The following TBL1XR1 variants were observed in gnomAD, a reference collection of about 807,000 sequenced individuals.
The protein encoded by TBL1XR1 is F-box-like/WD repeat-containing protein TBL1XR1.
In TBL1XR1, 5 loss-of-function variants were observed where a neutral mutation model predicts 66.9. That is an observed-to-expected ratio of 0.07 (90% confidence interval 0.04 to 0.16). The LOEUF is 0.16. TBL1XR1 is among the 10% of genes least tolerant of loss of function. The probability of loss-of-function intolerance (pLI) is 1.00; values close to 1 mark genes in which losing one functional copy is unlikely to be tolerated. For synonymous variants in TBL1XR1, 210 were observed against 206.0 expected (o/e 1.02, Z -0.17); for missense variants, 238 against 623.2 (o/e 0.38, Z 6.58).
upstream of TBL1XR1, among the ~76,000 whole-genome samples, chr3:177,200,098 G>A (rs932780829): frequency 4.0e-5 from 6 of 151,814 alleles, no homozygotes; most frequent in African/African-American, 4.8e-5. Context: ...TCAGCCTCCC[G>A]AGTAGTTGGG....
chr3:177,084,087 C>CAAAA (rs36022409), intron 2 of TBL1XR1, among the ~76,000 whole-genome samples: 34 of 73,206 alleles, frequency 4.6e-4, no homozygotes, highest in East Asian at 1.4e-3. Flanking sequence ...GACTCCGTCT[C>CAAAA]AAAAAAAAAA....
chr3:177,139,103 G>A (rs368158563), intron 1 of TBL1XR1, among the ~76,000 whole-genome samples: 2 of 152,044 alleles, frequency 1.3e-5, no homozygotes, highest in African/African-American at 2.4e-5. Context: ...AGAAATCAGC[G>A]AACAGACAAA....
intron 2 of TBL1XR1, 106 bp downstream of exon 2, chr3:177,098,359 TG>T: frequency 4.2e-6 from 2 of 472,584 alleles, no homozygotes; most frequent in Non-Finnish European, 5.5e-6. Flanking sequence ...TTACTTAGCT[TG>T]GGAACACATG....
At chr3:177,146,785 T>G (rs995290886) in intron 1 of TBL1XR1, among the ~76,000 whole-genome samples, 7 of 151,962 alleles carry the variant, frequency 4.6e-5, no homozygotes, top group African/African-American at 1.7e-4. Context: ...CTCACTTTGT[T>G]TGAGAAAATA....
intron 13 of TBL1XR1, 84 bp downstream of exon 13, chr3:177,034,114 A>T (rs1714417204): frequency 6.8e-7 from 1 of 1,461,526 alleles, no homozygotes; most frequent in Non-Finnish European, 9.2e-7. Flanking sequence ...CACTTCATGA[A>T]ATCTTCCCTA....
At chr3:177,031,447 C>T (rs1360783307) in intron 14 of TBL1XR1, among the ~76,000 whole-genome samples, 3 of 151,330 alleles carry the variant, frequency 2.0e-5, no homozygotes, top group African/African-American at 7.3e-5. Flanking sequence ...AATTCTCCTG[C>T]CTCAGCCTCC....
At chr3:177,191,272 A>G (rs1210352223) in intron 1 of TBL1XR1, among the ~76,000 whole-genome samples, 1 of 152,214 alleles carries the variant, frequency 6.6e-6, no homozygotes, top group Non-Finnish European at 1.5e-5. Flanking sequence ...CTTTAAATAA[A>G]TTACACTGTC....
intron 4 of TBL1XR1, 137 bp from the exon 5 acceptor site, chr3:177,051,863 G>A (rs1017187367): frequency 2.7e-6 from 3 of 1,098,648 alleles, no homozygotes; most frequent in Non-Finnish European, 3.8e-6. Flanking sequence ...ATTCATATAA[G>A]AAGTCCGGAG....
At position 177,178,462 on chromosome 3, in the gene TBL1XR1, C is replaced by T. The variant is rs1221770735; in HGVS notation, c.-122+18659G>A. ...CTTTATGAGAAAAAAAAAGGAAGAC[C>T]ATCCCTATGCCACTTTGTAACCAAA... On this transcript the variant is annotated intron_variant, in intron 1 of 15. Transcript: ENST00000457928. Among the ~76,000 whole-genome samples, 7 of 152,196 alleles carry T rather than the reference C, an allele frequency of 4.6e-5. 1 individual carries two copies. The South Asian group carries it at 1.0e-3, about 23-fold the overall frequency.
rs2108497081 is a variant in TBL1XR1 at position 177,051,632 on chromosome 3, C to G, written c.299G>C (p.Arg100Thr). ...TGCCTGTTGCTGTGCAAGCTTATCT[C>G]TATAAGCTTGTTGTCTTGTTTGTAC... ...DVVQTRQQAY[R>T]DKLAQQQAAA... The change falls in exon 5 of 16, where the codon AGA (arginine) becomes ACA (threonine). Residue 100 changes from arginine (R) to threonine (T), a missense_variant. Physicochemically the swap from Arg to Thr is moderately conservative, Grantham distance 71. Coordinates refer to ENST00000457928, the MANE Select transcript of TBL1XR1 (RefSeq NM_024665.7). 1 of 1,613,398 alleles carries G rather than the reference C, an allele frequency of 6.2e-7. No individual in the cohort carries two copies. The highest frequency in any genetic ancestry group is 8.5e-7 in the Non-Finnish European group (1 of 1,179,628).
chr3:177,167,146 G>A (rs764155297), intron 1 of TBL1XR1, among the ~76,000 whole-genome samples: 12 of 152,090 alleles, frequency 7.9e-5, no homozygotes, highest in Non-Finnish European at 4.4e-5. Flanking sequence ...TGCAGACAAT[G>A]GATTATTATT....
chr3:177,064,829 G>T, intron 3 of TBL1XR1, 91 bp downstream of exon 3: 1 of 905,914 alleles, frequency 1.1e-6, no homozygotes, highest in Non-Finnish European at 1.7e-6. Flanking sequence ...AAGTTCAACG[G>T]TTTGGACTGA....
chr3:177,030,131 TAG>T (rs72403499), intron 14 of TBL1XR1, among the ~76,000 whole-genome samples: 31,319 of 149,146 alleles, frequency 0.21, 3,598 homozygotes, highest in East Asian at 0.5. Context: ...TATATATATA[TAG>T]AGAGAGAGAG....
intron 1 of TBL1XR1, among the ~76,000 whole-genome samples, chr3:177,150,549 CAA>C (rs1730763538): frequency 6.6e-6 from 1 of 152,228 alleles, no homozygotes; most frequent in African/African-American, 2.4e-5. Context: ...GAAAACAAAA[CAA>C]AATACGATGT....
At chr3:177,058,503 A>G (rs929886638) in intron 3 of TBL1XR1, among the ~76,000 whole-genome samples, 2 of 152,214 alleles carry the variant, frequency 1.3e-5, no homozygotes, top group Non-Finnish European at 2.9e-5. Context: ...TTCAGCCAGT[A>G]AATTATTCAC....
chr3:177,168,176 G>A (rs1475785447), intron 1 of TBL1XR1, among the ~76,000 whole-genome samples: 1 of 151,980 alleles, frequency 6.6e-6, no homozygotes, highest in Non-Finnish European at 1.5e-5. Flanking sequence ...AATAACTTAT[G>A]AATCCTCTTC....
At chr3:177,099,227 C>T (rs1311595046) in intron 1 of TBL1XR1, among the ~76,000 whole-genome samples, 2 of 152,174 alleles carry the variant, frequency 1.3e-5, no homozygotes, top group Non-Finnish European at 2.9e-5. Context: ...ATCAGCTGGG[C>T]GTGGTGGCGG....
At chr3:177,028,119 G>A (rs1218825564) in intron 14 of TBL1XR1, among the ~76,000 whole-genome samples, 1 of 152,034 alleles carries the variant, frequency 6.6e-6, no homozygotes, top group Non-Finnish European at 1.5e-5. Flanking sequence ...CAGATCATCG[G>A]CATCTACCTC....
chr3:177,147,551 C>A (rs1577310602), intron 1 of TBL1XR1, among the ~76,000 whole-genome samples: 2 of 152,136 alleles, frequency 1.3e-5, no homozygotes, highest in Admixed American at 1.3e-4. Context: ...CAACAGACAG[C>A]GCAAAATGTA....
Sources: allele counts gnomAD v4.1 joint callset (sites outside exome capture counted in the v4.1 genomes callset), GRCh38; gene constraint gnomAD v4.1.1; transcripts MANE v1.5; gene names NCBI Gene and HGNC (gene_info 2026-07-23, HGNC 2026-07-21).